VTI1A: variants seen among roughly 807,000 people sequenced by gnomAD.
VTI1A encodes vesicle transport through interaction with t-SNAREs homolog 1A.
VTI1A carries 22 observed loss-of-function variants against 34.9 expected under a neutral mutation model. The observed-to-expected ratio is 0.63, with a 90% CI of 0.45 to 0.90. VTI1A has a LOEUF of 0.90. Ranked by LOEUF, VTI1A falls within the 40% of genes least tolerant of loss-of-function variation. VTI1A has a pLI of 0.00. For missense variants in VTI1A, 268 were observed against 275.6 expected (o/e 0.97, Z 0.20); for synonymous variants, 87 against 97.3 (o/e 0.89, Z 0.62).
At chr10:112,498,877 C>T (rs939059050) in intron 3 of VTI1A, among the ~76,000 whole-genome samples, 6 of 152,254 alleles carry the variant, frequency 3.9e-5, no homozygotes, top group Admixed American at 2.0e-4. Context: ...TAAATGTCTT[C>T]CCTCCTAAGT....
intron 5 of VTI1A, among the ~76,000 whole-genome samples, chr10:112,623,376 T>A (rs1845800394): frequency 6.6e-6 from 1 of 152,058 alleles, no homozygotes; most frequent in Non-Finnish European, 1.5e-5. Flanking sequence ...AGTCAGGGCA[T>A]GTGTGTATGT....
chr10:112,793,489 C>A (rs1852560974), intron 7 of VTI1A, among the ~76,000 whole-genome samples: 1 of 152,166 alleles, frequency 6.6e-6, no homozygotes, highest in Non-Finnish European at 1.5e-5. Context: ...CTGGAATAAT[C>A]TCTAGGGCAT....
At chr10:112,847,640 C>T in the VTI1A span, among the ~76,000 whole-genome samples, 2 of 152,186 alleles carry the variant, frequency 1.3e-5, no homozygotes. Context: ...GCAGCTCCTT[C>T]TTGCTGCCAA....
At position 112,732,808 on chromosome 10, in the gene VTI1A, G is replaced by A. The variant is rs1465004454; in HGVS notation, c.560+63810G>A. ...CAGAAAGTTTTTCTTACTGTTTCCTGACCCACATGCTTCTCTCTGGATGTA... is the reference window on the plus strand; with the variant it reads ...CAGAAAGTTTTTCTTACTGTTTCCTAACCCACATGCTTCTCTCTGGATGTA... On this transcript the variant is annotated intron_variant, in intron 7 of 7. Transcript: ENST00000393077. 2.6e-5 allele frequency among the ~76,000 whole-genome samples: 4 copies of A among 152,174 alleles called. No individual in the cohort carries two copies. The South Asian group carries it at 6.2e-4, about 24-fold the overall frequency.
At chr10:112,511,550 ATT>A (rs925783367) in intron 3 of VTI1A, among the ~76,000 whole-genome samples, 2 of 151,966 alleles carry the variant, frequency 1.3e-5, no homozygotes, top group African/African-American at 4.8e-5. Flanking sequence ...CTCATGTGAG[ATT>A]TTTTACATAT....
At chr10:112,784,775 A>G (rs1340017189) in intron 7 of VTI1A, among the ~76,000 whole-genome samples, 1 of 152,186 alleles carries the variant, frequency 6.6e-6, no homozygotes, top group African/African-American at 2.4e-5. Context: ...GTTTTAAGGC[A>G]TTTCTCCAAC....
chr10:112,468,205 G>A (rs779669948), intron 3 of VTI1A, among the ~76,000 whole-genome samples: 11 of 152,148 alleles, frequency 7.2e-5, no homozygotes, highest in Non-Finnish European at 1.5e-4. Context: ...AAAGGCCACC[G>A]GAGGACTTTG....
chr10:112,610,687 C>T (rs1845264443), intron 5 of VTI1A, among the ~76,000 whole-genome samples: 1 of 152,120 alleles, frequency 6.6e-6, no homozygotes, highest in Non-Finnish European at 1.5e-5. Context: ...GAGGCCGAGG[C>T]GGGCGGATCA....
chr10:112,456,453 A>G (rs960184059), intron 1 of VTI1A, among the ~76,000 whole-genome samples: 3 of 150,332 alleles, frequency 2.0e-5, no homozygotes, highest in African/African-American at 7.3e-5. Context: ...AGGAAACTGT[A>G]GAACCTAATT....
At chr10:112,671,854 TTTCC>T (rs1469274362) in intron 7 of VTI1A, 1 of 152,202 alleles carries the variant, frequency 6.6e-6, no homozygotes, top group Non-Finnish European at 1.5e-5. Flanking sequence ...TAAACATCTA[TTTCC>T]TTCCTTCTTT....
chr10:112,772,840 C>T (rs963994777), intron 7 of VTI1A, among the ~76,000 whole-genome samples: 3 of 152,148 alleles, frequency 2.0e-5, no homozygotes, highest in Admixed American at 2.0e-4. Context: ...ACACCTCAGC[C>T]CAGTCCACCT....
At chr10:112,828,987 C>G in the VTI1A span, among the ~76,000 whole-genome samples, 4 of 152,108 alleles carry the variant, frequency 2.6e-5, no homozygotes, top group Non-Finnish European at 5.9e-5. Flanking sequence ...GGACACCCAG[C>G]AGTTCTCTGG....
chr10:112,513,357 A>G (rs1240535483), intron 3 of VTI1A, among the ~76,000 whole-genome samples: 1 of 152,078 alleles, frequency 6.6e-6, no homozygotes, highest in Non-Finnish European at 1.5e-5. Context: ...TAGTATATAG[A>G]AACACTATTG....
At chr10:112,523,849 G>A (rs1392554637) in intron 3 of VTI1A, among the ~76,000 whole-genome samples, 2 of 152,106 alleles carry the variant, frequency 1.3e-5, no homozygotes, top group Non-Finnish European at 2.9e-5. Flanking sequence ...GTAGCTGAAT[G>A]TGTGACATTT....
rs573692797 is a variant in VTI1A at position 112,775,896 on chromosome 10, A to T, written c.561-39394A>T. 5.3e-5 allele frequency among the ~76,000 whole-genome samples: 8 copies of T among 152,340 alleles called. No homozygotes were observed. The South Asian group carries it at 8.3e-4, about 16-fold the overall frequency. ...ATCTGTGACTTCTTCAGTGATGGTAAATGTGCAATCTGATCTTTTGAAAGA... is the reference window on the plus strand; with the variant it reads ...ATCTGTGACTTCTTCAGTGATGGTATATGTGCAATCTGATCTTTTGAAAGA... On this transcript the variant is annotated intron_variant, in intron 7 of 7. Coordinates refer to ENST00000393077, the MANE Select transcript of VTI1A (RefSeq NM_145206.4).
intron 7 of VTI1A, among the ~76,000 whole-genome samples, chr10:112,797,693 G>A (rs1214597408): frequency 1.5e-5 from 1 of 66,296 alleles, no homozygotes; most frequent in Admixed American, 1.3e-4. Context: ...GTGATGACGT[G>A]AGGATTTTTT....
intron 5 of VTI1A, among the ~76,000 whole-genome samples, chr10:112,580,337 A>G (rs1843876512): frequency 6.6e-6 from 1 of 152,218 alleles, no homozygotes; most frequent in Non-Finnish European, 1.5e-5. Flanking sequence ...TAGGAAGCCA[A>G]GTTACTCCCT....
chr10:112,617,509 A>G (rs963765042), intron 5 of VTI1A, among the ~76,000 whole-genome samples: 14 of 152,106 alleles, frequency 9.2e-5, no homozygotes, highest in Admixed American at 1.3e-4. Context: ...ATTAAAAATA[A>G]TAATAACAAT....
the VTI1A span, among the ~76,000 whole-genome samples, chr10:112,849,792 C>G: frequency 1.3e-5 from 2 of 152,226 alleles, no homozygotes; most frequent in Non-Finnish European, 2.9e-5. Context: ...ACAATGGCAT[C>G]ATTACCATAT....
Sources: gnomAD v4.1 joint callset for allele counts (sites outside exome capture counted in the v4.1 genomes callset) on GRCh38, gnomAD v4.1.1 for gene constraint, MANE v1.5 for transcripts, NCBI Gene and HGNC (gene_info 2026-07-23, HGNC 2026-07-21) for gene names.